Variants in LIMCH1 observed in about 807,000 individuals in gnomAD.
LIMCH1 encodes LIM and calponin homology domains 1.
A neutral mutation model predicts 176.5 loss-of-function variants in LIMCH1; 113 were observed. The ratio of observed to expected loss-of-function variants is 0.64; its 90% CI spans 0.55 to 0.75. LIMCH1 has a LOEUF of 0.75. LIMCH1 is among the 30% of genes least tolerant of loss of function. The pLI is 0.00. For missense variants in LIMCH1, 1,674 were observed against 1,814.9 expected, an observed-to-expected ratio of 0.92 and a Z score of 1.41; for synonymous variants, 619 against 645.9, an observed-to-expected ratio of 0.96 and a Z score of 0.63.
chr4:41,604,182 A>G, intron 3 of LIMCH1: 17 of 984,080 alleles, frequency 1.7e-5, no homozygotes, highest in South Asian at 9.4e-5. Flanking sequence ...CTTAAACACA[A>G]AATGATCAGG....
chr4:41,667,825 A>G (rs150649198), intron 21 of LIMCH1, among the ~76,000 whole-genome samples: 430 of 152,116 alleles, frequency 2.8e-3, no homozygotes, highest in Non-Finnish European at 5.5e-3. Flanking sequence ...TACTGCTGTG[A>G]GATCTCTCTC....
chr4:41,653,164 A>C (rs1049509982), intron 18 of LIMCH1, among the ~76,000 whole-genome samples: 1 of 152,190 alleles, frequency 6.6e-6, no homozygotes, highest in African/African-American at 2.4e-5. Context: ...TCAAATACTC[A>C]TCATACTCAC....
Position 41,360,816 on chromosome 4 carries a change from C to G in LIMCH1, c.-25C>G, listed in dbSNP as rs1321367813. 2.6e-6 allele frequency: 4 copies of G among 1,514,256 alleles called. No individual in the cohort carries two copies. Among genetic ancestry groups the G allele is most frequent in the Non-Finnish European group, 3.5e-6 (4 of 1,129,800 alleles). The allele number at this position is 1,514,256 out of a possible 1,614,324, so 93.8% of individuals were successfully genotyped here. ...GGCGGCGGCCGTCCTCATCCCGGCG[C>G]TTGAGAGGACGCGGGGCTGCGCAAA... On this transcript the variant is annotated 5_prime_UTR_variant, in exon 1 of 27. Transcript: ENST00000313860. The surrounding 1 kb of genome is among the most constrained non-coding windows in gnomAD (Gnocchi z 4.5).
At chr4:41,498,677 G>A (rs756503703) in intron 2 of LIMCH1, among the ~76,000 whole-genome samples, 1 of 152,222 alleles carries the variant, frequency 6.6e-6, no homozygotes, top group African/African-American at 2.4e-5. Context: ...AAGGAGGGCT[G>A]CAGAGAGTTA....
At chr4:41,367,679 A>C (rs1259048219) in intron 1 of LIMCH1, among the ~76,000 whole-genome samples, 1 of 137,470 alleles carries the variant, frequency 7.3e-6, no homozygotes, top group South Asian at 2.5e-4. Flanking sequence ...TCTCTACTAA[A>C]AATCCAAAAA....
chr4:41,404,931 C>T (rs2058811433), intron 1 of LIMCH1, among the ~76,000 whole-genome samples: 1 of 152,152 alleles, frequency 6.6e-6, no homozygotes, highest in African/African-American at 2.4e-5. Context: ...ATATCAAGTA[C>T]ATGATGTGAG....
intron 2 of LIMCH1, among the ~76,000 whole-genome samples, chr4:41,494,858 A>G (rs545920358): frequency 2.8e-4 from 43 of 152,330 alleles, no homozygotes; most frequent in African/African-American, 1.0e-3. Flanking sequence ...TTCAGCTCCA[A>G]TAATCTTTCA....
upstream of LIMCH1, among the ~76,000 whole-genome samples, chr4:41,535,365 A>G (rs956695874): frequency 2.6e-5 from 4 of 151,874 alleles, no homozygotes; most frequent in African/African-American, 9.7e-5. Flanking sequence ...AAATAATAGA[A>G]ATTTATTTTG....
chr4:41,375,679 G>A (rs1477960187), intron 1 of LIMCH1, among the ~76,000 whole-genome samples: 3 of 152,230 alleles, frequency 2.0e-5, no homozygotes, highest in Non-Finnish European at 4.4e-5. Flanking sequence ...CTCTGTGCCT[G>A]AGCAGTCCCC....
At chr4:41,598,346 G>T (rs1224804869) in intron 1 of LIMCH1, among the ~76,000 whole-genome samples, 3 of 151,956 alleles carry the variant, frequency 2.0e-5, no homozygotes, top group Non-Finnish European at 4.4e-5. Context: ...TATTTTAAAA[G>T]CTTTCCCTGT....
chr4:41,399,840 A>ATTTTTTTTTTTTTTTTTTTTTTTTTTT (rs71198650), intron 1 of LIMCH1, among the ~76,000 whole-genome samples: 1 of 114,134 alleles, frequency 8.8e-6, no homozygotes, highest in Non-Finnish European at 1.7e-5. Context: ...TGCCCGGCTA[A>ATTTTTTTTTTTTTTTTTTTTTTTTTTT]TTTTTTTTTT....
intron 14 of LIMCH1, among the ~76,000 whole-genome samples, chr4:41,641,487 A>T (rs1299750856): frequency 1.3e-5 from 2 of 152,160 alleles, no homozygotes; most frequent in African/African-American, 4.8e-5. Flanking sequence ...TGAGAAAAAA[A>T]ATCATACAGG....
intron 1 of LIMCH1, among the ~76,000 whole-genome samples, chr4:41,413,823 G>C (rs1287560603): frequency 6.6e-6 from 1 of 152,024 alleles, no homozygotes; most frequent in Admixed American, 6.6e-5. Flanking sequence ...AGGATAAATG[G>C]GTTAAAGGAA....
chr4:41,380,564 T>G (rs1274293127), intron 1 of LIMCH1, among the ~76,000 whole-genome samples: 1 of 152,128 alleles, frequency 6.6e-6, no homozygotes, highest in African/African-American at 2.4e-5. Context: ...CAACTCTGGC[T>G]ACACATTAGA....
At chr4:41,396,695 G>A (rs1006977844) in intron 1 of LIMCH1, among the ~76,000 whole-genome samples, 7 of 152,108 alleles carry the variant, frequency 4.6e-5, no homozygotes, top group Non-Finnish European at 1.0e-4. Flanking sequence ...GAGGTCAGGA[G>A]TTCGAGACCA....
chr4:41,431,550 A>G lies in LIMCH1; in HGVS notation c.97-62986A>G, dbSNP rs141676103. Among the ~76,000 whole-genome samples, 209 of 152,256 alleles carry G rather than the reference A, an allele frequency of 1.4e-3. 6 individuals are homozygous for G. The highest frequency in any genetic ancestry group is 4.8e-3 in the African/African-American group (201 of 41,574). Reference sequence around the variant, plus strand: ...AAAGAACTTCATTACATTTTATCTCATGGGACTACATCAAGGAGGTAAAAG... The same window carrying G: ...AAAGAACTTCATTACATTTTATCTCGTGGGACTACATCAAGGAGGTAAAAG... On this transcript the variant is annotated intron_variant, in intron 1 of 26. Transcript: ENST00000313860.
chr4:41,625,497 A>T (rs1391147617), intron 7 of LIMCH1, among the ~76,000 whole-genome samples: 1 of 152,184 alleles, frequency 6.6e-6, no homozygotes. Context: ...CTCGCCGTGA[A>T]TCTGCCTTGA....
rs550321990 is a variant in LIMCH1, at chr4:41,684,196, T to C, written c.3846-201T>C. 5.2e-4 allele frequency among the ~76,000 whole-genome samples: 79 copies of C among 152,228 alleles called. 1 individual carries two copies. Among genetic ancestry groups the C allele is most frequent in the Non-Finnish European group, 6.8e-4 (46 of 68,040 alleles). ...AGAGAAGGCATCAGAAATGATAGTT[T>C]GTTGAGCTTGTTAAATGGGTGGATA... On this transcript the variant is annotated intron_variant, in intron 26 of 31. Transcript: ENST00000503057.
chr4:41,540,242 T>C (rs1190102528), intron 1 of LIMCH1, among the ~76,000 whole-genome samples: 1 of 152,030 alleles, frequency 6.6e-6, no homozygotes, highest in Middle Eastern at 3.2e-3. Context: ...TTTCTTGTCA[T>C]GTGGTTCAAG....
Sources: gnomAD v4.1 joint callset for allele counts (sites outside exome capture counted in the v4.1 genomes callset) on GRCh38, gnomAD v4.1.1 for gene constraint, Gnocchi (gnomAD v3.1) non-coding constraint, MANE v1.5 for transcripts, NCBI Gene and HGNC (gene_info 2026-07-23, HGNC 2026-07-21) for gene names.